Variants in ATXN10 observed in about 807,000 individuals in gnomAD.
The protein encoded by ATXN10 is ataxin-10.
In ATXN10, 28 loss-of-function variants were observed where a neutral mutation model predicts 52.9. The ratio of observed to expected loss-of-function variants is 0.53; its 90% confidence interval spans 0.39 to 0.73. The LOEUF (loss-of-function observed/expected upper bound fraction) is 0.73, where lower values mean the gene tolerates loss of function less well. Among genes scored for constraint, ATXN10 ranks in the 30% least tolerant of loss-of-function variants. The pLI, the probability that ATXN10 is intolerant of heterozygous loss-of-function variation, is 0.00. For missense variants in ATXN10, 565 were observed against 577.0 expected, an observed-to-expected ratio of 0.98 and a Z score of 0.21; for synonymous variants, 226 against 221.5, an observed-to-expected ratio of 1.02 and a Z score of -0.18.
In ATXN10 at chr22:45,678,750, A is replaced by G. The variant is rs929515154; in HGVS notation, c.116+6571A>G. 6.6e-6 allele frequency: 1 copy of G among 152,162 alleles called. No homozygotes were observed. Among genetic ancestry groups the G allele is most frequent in the African/African-American group, 2.4e-5 (1 of 41,448 alleles). The allele number at this position is 152,162 out of a possible 1,614,324, so 9.4% of individuals were successfully genotyped here. A position where few individuals can be genotyped will look rare whatever the true frequency, so the allele number is the denominator to read the frequency against. On this transcript the variant is annotated intron_variant, in intron 1 of 11. Coordinates refer to ENST00000252934, the MANE Select transcript of ATXN10 (RefSeq NM_013236.4). This position sits in a 1 kb window ranked among gnomAD's most constrained non-coding sequence, Gnocchi z 4.1. ...TTGCTAAAATGCTATTGATTAGTTT[A>G]CCATGTAATTCATTCATTGACTCAC...
In ATXN10 at chr22:45,805,360, G is replaced by C. The variant is rs1928065619; in HGVS notation, c.1174-1599G>C. On this transcript the variant is annotated intron_variant, in intron 9 of 11. Coordinates refer to ENST00000252934, the MANE Select transcript of ATXN10 (RefSeq NM_013236.4). The surrounding 1 kb of genome is among the most constrained non-coding windows in gnomAD (Gnocchi z 4.4). ...GTTTGACTCCTAGGTATATACCCAAGAACAATGAATACTTATATCCACTCA... is the reference window on the plus strand; with the variant it reads ...GTTTGACTCCTAGGTATATACCCAACAACAATGAATACTTATATCCACTCA... Among the ~76,000 whole-genome samples the C allele has an allele frequency of 6.6e-6, 1 of 152,090 alleles. No individual in the cohort carries two copies. The highest frequency in any genetic ancestry group is 2.1e-4 in the South Asian group (1 of 4,822).
intron 9 of ATXN10, among the ~76,000 whole-genome samples, chr22:45,756,925 G>A (rs374081982): frequency 9.3e-4 from 141 of 152,300 alleles, no homozygotes; most frequent in African/African-American, 3.3e-3. Context: ...AGAGTTGGGG[G>A]CAAGAGAGGG....
chr22:45,729,708 G>A lies in ATXN10; in HGVS notation c.894+118G>A, dbSNP rs1239133276. On this transcript the variant is annotated intron_variant, in intron 7 of 11. Coordinates refer to ENST00000252934, the MANE Select transcript of ATXN10 (RefSeq NM_013236.4). ...CTTTAAAAAATATTATGTAAGTAAT[G>A]TATCCATATATGAGAATAGTTGGAA... The A allele has an allele frequency of 2.7e-6, 3 of 1,114,808 alleles. No homozygotes were observed. In the South Asian group the frequency reaches 3.9e-5, roughly 15 times the overall value. The allele number at this position is 1,114,808 out of a possible 1,614,324, so 69.1% of individuals were successfully genotyped here. A position where few individuals can be genotyped will look rare whatever the true frequency, so the allele number is the denominator to read the frequency against.
intron 5 of ATXN10, among the ~76,000 whole-genome samples, chr22:45,709,468 G>A (rs1473223734): frequency 6.6e-6 from 1 of 152,186 alleles, no homozygotes; most frequent in Non-Finnish European, 1.5e-5. Context: ...GCTGAAAGAT[G>A]TCATCAGTAT....
At chr22:45,706,123 T>C (rs1455257400) in intron 5 of ATXN10, among the ~76,000 whole-genome samples, 1 of 151,978 alleles carries the variant, frequency 6.6e-6, no homozygotes, top group Non-Finnish European at 1.5e-5. Context: ...TATGGAAAAA[T>C]TGTCTTTCAT....
Position 45,705,054 on chromosome 22 carries a change from A to G in ATXN10, c.647+2207A>G, listed in dbSNP as rs1388197384. Among the ~76,000 whole-genome samples the G allele has an allele frequency of 6.6e-6, 1 of 152,170 alleles. No homozygotes were observed. The highest frequency in any genetic ancestry group is 1.5e-5 in the Non-Finnish European group (1 of 68,024). The stretch of plus-strand genomic sequence containing the variant: ...TGGCTTTGTCTTTTAGTCTATTAAT[A>G]CTTTGTCTAACAGTGATTTTTATAC... On this transcript the variant is annotated intron_variant, in intron 5 of 11. Transcript: ENST00000252934. The surrounding 1 kb of genome is among the most constrained non-coding windows in gnomAD (Gnocchi z 5.2).
At chr22:45,743,650 G>T (rs975688519) in intron 9 of ATXN10, among the ~76,000 whole-genome samples, 1 of 152,210 alleles carries the variant, frequency 6.6e-6, no homozygotes, top group Non-Finnish European at 1.5e-5. Context: ...GAGGGATTTC[G>T]TATCATCTAG....
rs144562472 is a variant in ATXN10 at position 45,681,355 on chromosome 22, G to C, written c.117-8357G>C. ...TGTAGCTGCCTTCCCCCACAATCTC[G>C]AGTCCCAATCCCTGTTTTATCTTCT... On this transcript the variant is annotated intron_variant, in intron 1 of 11. Transcript: ENST00000252934. The surrounding 1 kb of genome is among the most constrained non-coding windows in gnomAD (Gnocchi z 4.2). Among the ~76,000 whole-genome samples the C allele has an allele frequency of 6.6e-6, 1 of 151,788 alleles. No homozygotes were observed. The highest frequency in any genetic ancestry group is 1.5e-5 in the Non-Finnish European group (1 of 67,972).
chr22:45,737,612 C>A (rs1925346313), intron 7 of ATXN10, among the ~76,000 whole-genome samples: 1 of 150,492 alleles, frequency 6.6e-6, no homozygotes, highest in African/African-American at 2.4e-5. Flanking sequence ...ACCTTTAAAT[C>A]TCTTAATTAG....
At chr22:45,767,635 A>G (rs1025439304) in intron 9 of ATXN10, among the ~76,000 whole-genome samples, 1 of 152,114 alleles carries the variant, frequency 6.6e-6, no homozygotes, top group East Asian at 1.9e-4. Context: ...TGTTTTACTT[A>G]ATTAAAAATT....
intron 9 of ATXN10, chr22:45,792,305 C>A (rs1467618151): frequency 6.6e-6 from 1 of 152,116 alleles, no homozygotes; most frequent in Non-Finnish European, 1.5e-5. Flanking sequence ...CTAAAGAGGT[C>A]CTCTAAGCTG....
Position 45,690,007 on chromosome 22 carries a change from T to G in ATXN10, c.308+104T>G. On this transcript the variant is annotated intron_variant, in intron 2 of 11. Transcript: ENST00000252934. The surrounding 1 kb of genome is among the most constrained non-coding windows in gnomAD (Gnocchi z 4.5). The stretch of plus-strand genomic sequence containing the variant: ...GTTGTTTTGGGCTGGGTAAGGTGGC[T>G]CATGCCTGTAATCCCAGCATTTTGG... 8.3e-7 allele frequency: 1 copy of G among 1,205,006 alleles called. No homozygotes were observed. Among genetic ancestry groups the G allele is most frequent in the South Asian group, 1.3e-5 (1 of 79,824 alleles). The allele number at this position is 1,205,006 out of a possible 1,614,324, so 74.6% of individuals were successfully genotyped here.
chr22:45,672,426 C>A, intron 1 of ATXN10: 1 of 223,376 alleles, frequency 4.5e-6, no homozygotes. Context: ...TGCGAAGCCG[C>A]GATCCCGGGA....
At chr22:45,749,851 T>C (rs963955196) in intron 9 of ATXN10, among the ~76,000 whole-genome samples, 1 of 151,988 alleles carries the variant, frequency 6.6e-6, no homozygotes, top group African/African-American at 2.4e-5. Context: ...CAGGTTTGAG[T>C]CACCTTACCT....
intron 6 of ATXN10, among the ~76,000 whole-genome samples, chr22:45,719,906 G>A (rs1924584893): frequency 6.6e-6 from 1 of 151,924 alleles, no homozygotes; most frequent in African/African-American, 2.4e-5. Context: ...TAGATTGTTG[G>A]CACCCTGAGG....
Position 45,782,721 on chromosome 22 carries a change from C to T in ATXN10, c.1174-24238C>T, listed in dbSNP as rs577344104. On this transcript the variant is annotated intron_variant, in intron 9 of 11. Transcript: ENST00000252934. Reference sequence around the variant, plus strand: ...CCTACATATATAAAACTTGTATAAGCGATACACGTAAGATTTGTGCACTTT... The same window carrying T: ...CCTACATATATAAAACTTGTATAAGTGATACACGTAAGATTTGTGCACTTT... Among the ~76,000 whole-genome samples, 18 of 152,200 alleles carry T rather than the reference C, an allele frequency of 1.2e-4. No homozygotes were observed. The South Asian group carries it at 2.5e-3, about 21-fold the overall frequency.
At position 45,709,588 on chromosome 22, in the gene ATXN10, C is replaced by T. The variant is rs533286655; in HGVS notation, c.647+6741C>T. ...GCCTACTCAGGGTTGGCATGGCCCACGGCTGGTCCTCAGACCACTCTTCTC... is the reference window on the plus strand; with the variant it reads ...GCCTACTCAGGGTTGGCATGGCCCATGGCTGGTCCTCAGACCACTCTTCTC... On this transcript the variant is annotated intron_variant, in intron 5 of 11. Coordinates refer to ENST00000252934, the MANE Select transcript of ATXN10 (RefSeq NM_013236.4). 2.2e-4 allele frequency among the ~76,000 whole-genome samples: 34 copies of T among 152,298 alleles called. No individual in the cohort carries two copies. In the South Asian group the frequency reaches 2.3e-3, roughly 10 times the overall value.
At chr22:45,707,741 T>C (rs1924097670) in intron 5 of ATXN10, among the ~76,000 whole-genome samples, 1 of 151,942 alleles carries the variant, frequency 6.6e-6, no homozygotes, top group South Asian at 2.1e-4. Flanking sequence ...ATGGATCTAG[T>C]AGTGGTTAAA....
At position 45,818,074 on chromosome 22, in the gene ATXN10, C is replaced by G. The variant is rs1329083593; in HGVS notation, c.1237+11052C>G. Among the ~76,000 whole-genome samples, 2 of 152,198 alleles carry G rather than the reference C, an allele frequency of 1.3e-5. No homozygotes were observed. Among genetic ancestry groups the G allele is most frequent in the African/African-American group, 4.8e-5 (2 of 41,452 alleles). Reference sequence around the variant, plus strand: ...TCGCTCAGGTATCTTGGCAGGTAGTCAAACTGTTTTAAAATGAGACTGTAC... The same window carrying G: ...TCGCTCAGGTATCTTGGCAGGTAGTGAAACTGTTTTAAAATGAGACTGTAC... On this transcript the variant is annotated intron_variant, in intron 10 of 11. Transcript: ENST00000252934. This position sits in a 1 kb window ranked among gnomAD's most constrained non-coding sequence, Gnocchi z 4.6.
Sources: gnomAD v4.1 joint callset for allele counts (sites outside exome capture counted in the v4.1 genomes callset) on GRCh38, gnomAD v4.1.1 for gene constraint, Gnocchi (gnomAD v3.1) non-coding constraint, MANE v1.5 for transcripts, NCBI Gene and HGNC (gene_info 2026-07-23, HGNC 2026-07-21) for gene names.